The following LYPLAL1 variants were observed in gnomAD, a reference collection of about 807,000 sequenced individuals.
LYPLAL1 encodes lysophospholipase like 1, also known as lysophospholipase-like protein 1.
LYPLAL1 carries 23 observed loss-of-function variants against 19.7 expected under a neutral mutation model. That is an observed-to-expected ratio of 1.17 (90% CI 0.84 to 1.65). The LOEUF (loss-of-function observed/expected upper bound fraction) is 1.65, where lower values mean the gene tolerates loss of function less well. LYPLAL1 is among the 40% of genes most tolerant of loss of function. LYPLAL1 has a pLI of 0.00. For missense variants in LYPLAL1, 355 were observed against 279.4 expected (o/e 1.27, Z -1.93); for synonymous variants, 119 against 96.3 (o/e 1.24, Z -1.38).
chr1:219,340,477 A>G, the LYPLAL1 span, among the ~76,000 whole-genome samples: 2 of 152,026 alleles, frequency 1.3e-5, no homozygotes, highest in African/African-American at 4.8e-5. Context: ...ATACCAATGG[A>G]TGTGTGGGTG....
the LYPLAL1 span, among the ~76,000 whole-genome samples, chr1:219,415,243 C>T: frequency 5.3e-5 from 8 of 152,136 alleles, no homozygotes; most frequent in African/African-American, 1.9e-4. Flanking sequence ...ACCCAGGAAA[C>T]AGTGGTTTCA....
the LYPLAL1 span, among the ~76,000 whole-genome samples, chr1:219,364,096 A>T: frequency 2.0e-5 from 3 of 152,150 alleles, no homozygotes; most frequent in Non-Finnish European, 4.4e-5. Flanking sequence ...AGAACTATTA[A>T]TTTATCTTGG....
chr1:219,374,351 A>T, the LYPLAL1 span, among the ~76,000 whole-genome samples: 1 of 152,024 alleles, frequency 6.6e-6, no homozygotes, highest in Non-Finnish European at 1.5e-5. Flanking sequence ...AGCGTTTCTG[A>T]TGACCCATCC....
intron 3 of LYPLAL1, among the ~76,000 whole-genome samples, chr1:219,208,197 G>A (rs535790443): frequency 2.4e-4 from 37 of 152,052 alleles, no homozygotes; most frequent in Admixed American, 6.6e-4. Flanking sequence ...TGAGAGATAG[G>A]GATTCTTAAA....
At chr1:219,430,074 G>A in the LYPLAL1 span, among the ~76,000 whole-genome samples, 60 of 152,154 alleles carry the variant, frequency 3.9e-4, no homozygotes, top group South Asian at 0.01. Context: ...CAGGCAGATC[G>A]CTTGAACACA....
intron 3 of LYPLAL1, chr1:219,198,904 G>A (rs1049486817): frequency 2.6e-5 from 4 of 152,012 alleles, no homozygotes; most frequent in Admixed American, 6.5e-5. Flanking sequence ...AAATACAGAG[G>A]TTGTTCTGTT....
chr1:219,325,399 C>T, the LYPLAL1 span, among the ~76,000 whole-genome samples: 29 of 152,268 alleles, frequency 1.9e-4, no homozygotes, highest in African/African-American at 6.7e-4. Flanking sequence ...TCTAAACCAC[C>T]CCTTCCCTGA....
the LYPLAL1 span, among the ~76,000 whole-genome samples, chr1:219,422,666 C>T: frequency 6.6e-6 from 1 of 152,006 alleles, no homozygotes; most frequent in Non-Finnish European, 1.5e-5. Flanking sequence ...AAACTGAAAG[C>T]CAGGATCAAC....
At chr1:219,387,476 C>G in the LYPLAL1 span, among the ~76,000 whole-genome samples, 25,193 of 152,152 alleles carry the variant, frequency 0.17, 2,175 homozygotes, top group East Asian at 0.28. Flanking sequence ...AAAATTTAAC[C>G]AAGACCTTTG....
the LYPLAL1 span, among the ~76,000 whole-genome samples, chr1:219,425,071 G>A: frequency 2.6e-5 from 4 of 152,126 alleles, no homozygotes; most frequent in Non-Finnish European, 5.9e-5. Context: ...TTGTTCTGAT[G>A]GCTGGGAAGT....
At chr1:219,370,060 AG>A in the LYPLAL1 span, among the ~76,000 whole-genome samples, 1 of 152,228 alleles carries the variant, frequency 6.6e-6, no homozygotes, top group African/African-American at 2.4e-5. Context: ...AGCCACACTC[AG>A]AGGGGCATGA....
chr1:219,193,845 G>A (rs1657393401), intron 3 of LYPLAL1, among the ~76,000 whole-genome samples: 1 of 151,778 alleles, frequency 6.6e-6, no homozygotes, highest in African/African-American at 2.4e-5. Flanking sequence ...GATGGGGCAT[G>A]TAGAATATGA....
chr1:219,200,048 C>A, intron 3 of LYPLAL1: 1 of 231,080 alleles, frequency 4.3e-6, no homozygotes, highest in Non-Finnish European at 9.1e-6. Flanking sequence ...ACCTAGTGAG[C>A]AGTTGCTTTG....
the LYPLAL1 span, among the ~76,000 whole-genome samples, chr1:219,289,732 T>C: frequency 6.6e-5 from 10 of 152,192 alleles, no homozygotes; most frequent in Non-Finnish European, 1.5e-4. Context: ...TTGTTTTAGT[T>C]AATGCCCACA....
the LYPLAL1 span, among the ~76,000 whole-genome samples, chr1:219,339,341 G>GT: frequency 6.6e-6 from 1 of 151,998 alleles, no homozygotes; most frequent in African/African-American, 2.4e-5. Context: ...ATGCAGATGA[G>GT]TGTAACTACC....
the LYPLAL1 span, among the ~76,000 whole-genome samples, chr1:219,396,145 C>T: frequency 6.6e-6 from 1 of 151,324 alleles, no homozygotes; most frequent in Admixed American, 6.6e-5. Context: ...CAATCTTCTG[C>T]ATATGGCTAG....
chr1:219,302,944 G>A, the LYPLAL1 span, among the ~76,000 whole-genome samples: 1 of 152,080 alleles, frequency 6.6e-6, no homozygotes. Context: ...ATGCTGTCAT[G>A]TTTTATTATT....
the LYPLAL1 span, among the ~76,000 whole-genome samples, chr1:219,400,897 C>T: frequency 6.6e-6 from 1 of 152,194 alleles, no homozygotes; most frequent in Non-Finnish European, 1.5e-5. Flanking sequence ...GAAAATTTCA[C>T]TCTACTGCAA....
the LYPLAL1 span, among the ~76,000 whole-genome samples, chr1:219,241,134 C>CTCTATATATATA: frequency 1.5e-3 from 67 of 44,348 alleles, 1 homozygote; most frequent in Non-Finnish European, 1.8e-3. Flanking sequence ...CTCTCTCTCT[C>CTCTATATATATA]TATATATATA....
Sources: gnomAD v4.1 joint callset for allele counts (sites outside exome capture counted in the v4.1 genomes callset) on GRCh38, gnomAD v4.1.1 for gene constraint, MANE v1.5 for transcripts, NCBI Gene and HGNC (gene_info 2026-07-23, HGNC 2026-07-21) for gene names.